Variants in BNC2 observed in about 807,000 individuals in gnomAD.
BNC2 encodes basonuclin zinc finger protein 2, also known as zinc finger protein basonuclin-2.
In BNC2, 20 loss-of-function variants were observed where a neutral mutation model predicts 76.3. The ratio of observed to expected loss-of-function variants is 0.26; its 90% CI spans 0.18 to 0.38. The LOEUF is 0.38. BNC2 is among the 10% of genes least tolerant of loss of function. The pLI is 1.00. For missense variants in BNC2, 1,382 were observed against 1,399.8 expected (o/e 0.99, Z 0.20); for synonymous variants, 582 against 514.8 (o/e 1.13, Z -1.77).
At chr9:16,431,874 A>G (rs1165506390) in intron 6 of BNC2, among the ~76,000 whole-genome samples, 4 of 152,120 alleles carry the variant, frequency 2.6e-5, no homozygotes, top group African/African-American at 9.7e-5. Flanking sequence ...CTCCTGTGAG[A>G]ATCTAATGCC....
At chr9:16,584,686 G>A (rs1312201638) in intron 3 of BNC2, among the ~76,000 whole-genome samples, 3 of 152,226 alleles carry the variant, frequency 2.0e-5, no homozygotes, top group African/African-American at 2.4e-5. Context: ...AAGGAGAAAC[G>A]TTTCTTCCAG....
intron 5 of BNC2, among the ~76,000 whole-genome samples, chr9:16,462,958 T>C (rs2131263978): frequency 6.6e-6 from 1 of 152,310 alleles, no homozygotes; most frequent in Non-Finnish European, 1.5e-5. Flanking sequence ...ATCCTCTTCC[T>C]TCTCCAGAAC....
chr9:16,524,324 T>A (rs756516775), intron 5 of BNC2, among the ~76,000 whole-genome samples: 8 of 152,136 alleles, frequency 5.3e-5, no homozygotes, highest in Non-Finnish European at 1.2e-4. Flanking sequence ...CTCAGGTCTC[T>A]CATTTGCCTA....
Position 16,860,939 on chromosome 9 carries a change from G to A in BNC2, c.3+9707C>T, listed in dbSNP as rs534972017. 5.3e-5 allele frequency among the ~76,000 whole-genome samples: 8 copies of A among 151,836 alleles called. No individual in the cohort carries two copies. The East Asian group carries it at 5.9e-4, about 11-fold the overall frequency. ...CACATGCCTGTAATGCCAGCTACTC[G>A]GGACGCTGAGGCAGGACAATGGCTT... On this transcript the variant is annotated intron_variant, in intron 1 of 6. Transcript: ENST00000380672.
At chr9:16,643,490 C>A (rs1821545404) in intron 3 of BNC2, among the ~76,000 whole-genome samples, 1 of 152,004 alleles carries the variant, frequency 6.6e-6, no homozygotes, top group Admixed American at 6.6e-5. Flanking sequence ...ATTTGAATCA[C>A]CTACGGAAAG....
At chr9:16,564,967 C>T (rs1358085351) in intron 4 of BNC2, among the ~76,000 whole-genome samples, 1 of 152,092 alleles carries the variant, frequency 6.6e-6, no homozygotes, top group Non-Finnish European at 1.5e-5. Context: ...TTCCGTAGGT[C>T]ATCGTCATCC....
chr9:16,688,067 C>T (rs978466625), intron 3 of BNC2, among the ~76,000 whole-genome samples: 1 of 152,054 alleles, frequency 6.6e-6, no homozygotes, highest in African/African-American at 2.4e-5. Context: ...AAAGTTGACT[C>T]CCATATTCTA....
chr9:16,788,866 T>C (rs1002852462), intron 1 of BNC2, among the ~76,000 whole-genome samples: 1 of 152,082 alleles, frequency 6.6e-6, no homozygotes, highest in African/African-American at 2.4e-5. Flanking sequence ...CCCACCTGTT[T>C]TTCCTTCTAG....
chr9:16,539,759 GA>G (rs1349614922), intron 5 of BNC2, among the ~76,000 whole-genome samples: 22 of 90,464 alleles, frequency 2.4e-4, no homozygotes, highest in African/African-American at 1.2e-3. Flanking sequence ...GGAAGGAAAG[GA>G]AAGGAAAAGA....
intron 1 of BNC2, among the ~76,000 whole-genome samples, chr9:16,742,744 C>T (rs1411559974): frequency 6.6e-6 from 1 of 152,130 alleles, no homozygotes; most frequent in Non-Finnish European, 1.5e-5. Flanking sequence ...GGTCTCCCTA[C>T]AGTATATTAG....
chr9:16,660,220 C>T (rs530562463), intron 3 of BNC2, among the ~76,000 whole-genome samples: 22 of 152,228 alleles, frequency 1.4e-4, no homozygotes, highest in African/African-American at 4.3e-4. Context: ...TTCGGGAGGC[C>T]GAGTCGGGCG....
chr9:16,574,429 C>T (rs1046795898), intron 4 of BNC2, among the ~76,000 whole-genome samples: 3 of 152,102 alleles, frequency 2.0e-5, no homozygotes, highest in African/African-American at 7.2e-5. Flanking sequence ...TTAACTGGCG[C>T]AATTCTCAAA....
intron 5 of BNC2, among the ~76,000 whole-genome samples, chr9:16,522,788 C>T (rs1051225804): frequency 5.3e-5 from 8 of 152,138 alleles, no homozygotes; most frequent in African/African-American, 7.2e-5. Flanking sequence ...AAACATCCAC[C>T]GATTTGGACC....
At chr9:16,569,247 C>G (rs1307290153) in intron 4 of BNC2, among the ~76,000 whole-genome samples, 1 of 151,428 alleles carries the variant, frequency 6.6e-6, no homozygotes. Flanking sequence ...TTTCTCATCT[C>G]TTAATACATG....
chr9:16,419,035 T>A lies in BNC2; in HGVS notation c.3254A>T (p.Gln1085Leu). The change falls in exon 7 of 7, where the codon CAG becomes CTG. Residue 1085 changes from glutamine to leucine, a missense_variant. Around this residue, in one of 3 missense-constraint regions of BNC2, gnomAD observed 798 missense variants for 775.5 expected, o/e 1.03. Transcript: ENST00000380672. ...AATGTTTTTGTGGAGATTAGGGTTC[T>A]GACTGTGCCGATTTCGGCTTCGTAC... is the stretch of plus-strand genomic sequence containing the variant. ...SSVRSRNRHS[Q>L]NPNLHKNIPF... 6.2e-7 allele frequency: 1 copy of A among 1,614,214 alleles called. No individual in the cohort carries two copies. Among genetic ancestry groups the A allele is most frequent in the Non-Finnish European group, 8.5e-7 (1 of 1,180,042 alleles).
chr9:16,439,327 C>T (rs1483786580), intron 5 of BNC2, among the ~76,000 whole-genome samples: 3 of 152,100 alleles, frequency 2.0e-5, no homozygotes, highest in African/African-American at 2.4e-5. Flanking sequence ...TTCTACAAAA[C>T]AGTAGATAGT....
chr9:16,696,585 C>G (rs1823345348), intron 3 of BNC2, among the ~76,000 whole-genome samples: 1 of 152,140 alleles, frequency 6.6e-6, no homozygotes, highest in African/African-American at 2.4e-5. Context: ...GTTTTTCTCT[C>G]CTTAGGATCA....
intron 3 of BNC2, among the ~76,000 whole-genome samples, chr9:16,638,234 T>C (rs1001537493): frequency 1.3e-5 from 2 of 152,176 alleles, no homozygotes; most frequent in Admixed American, 6.5e-5. Context: ...GTTATTTCCA[T>C]TTCCTATCTC....
At chr9:16,790,405 G>A (rs1163578010) in intron 1 of BNC2, among the ~76,000 whole-genome samples, 1 of 152,182 alleles carries the variant, frequency 6.6e-6, no homozygotes, top group Non-Finnish European at 1.5e-5. Flanking sequence ...GTAGGAAAAT[G>A]AAAAGTATAT....
Sources: gnomAD v4.1 joint callset for allele counts (sites outside exome capture counted in the v4.1 genomes callset) on GRCh38, gnomAD v4.1.1 for gene constraint, gnomAD v4.1.1 regional missense constraint, MANE v1.5 for transcripts, NCBI Gene and HGNC (gene_info 2026-07-23, HGNC 2026-07-21) for gene names.